ADGRV1: variants seen among roughly 807,000 people sequenced by gnomAD.
ADGRV1 encodes adhesion G protein-coupled receptor V1, also known as G-protein coupled receptor 98.
Under a neutral mutation model 596.2 loss-of-function variants are expected in ADGRV1, and 359 were observed. The ratio of observed to expected loss-of-function variants is 0.60; its 90% CI spans 0.55 to 0.66. ADGRV1 has a LOEUF of 0.66. Ranked by LOEUF, ADGRV1 falls within the 30% of genes least tolerant of loss-of-function variation. The pLI is 0.00. For missense variants in ADGRV1, 7,274 were observed against 7,575.6 expected (o/e 0.96, Z 1.48); for synonymous variants, 2,681 against 2,679.2 (o/e 1.00, Z -0.02).
intron 78 of ADGRV1, among the ~76,000 whole-genome samples, chr5:90,847,996 G>A (rs1766086718): frequency 6.6e-6 from 1 of 152,120 alleles, no homozygotes; most frequent in Non-Finnish European, 1.5e-5. Context: ...AGGGCTGTGA[G>A]GGCTGCCAGC....
intron 71 of ADGRV1, among the ~76,000 whole-genome samples, chr5:90,804,064 G>A (rs1761669248): frequency 6.6e-6 from 1 of 152,176 alleles, no homozygotes; most frequent in Non-Finnish European, 1.5e-5. Flanking sequence ...CTCTAGTCAT[G>A]TAGCAAGAAT....
At chr5:90,689,714 C>A in intron 29 of ADGRV1, 147 bp from the exon 30 acceptor site, 1 of 609,638 alleles carries the variant, frequency 1.6e-6, no homozygotes, top group Non-Finnish European at 2.9e-6. Context: ...TAAAAGTCTT[C>A]TTGCTTAGAA....
intron 83 of ADGRV1, among the ~76,000 whole-genome samples, chr5:90,890,536 G>A (rs1356885536): frequency 6.6e-6 from 1 of 152,104 alleles, no homozygotes; most frequent in African/African-American, 2.4e-5. Flanking sequence ...TTTCCTATGA[G>A]GTAGGCATAT....
At chr5:90,726,142 C>T (rs889148359) in intron 48 of ADGRV1, among the ~76,000 whole-genome samples, 1 of 152,202 alleles carries the variant, frequency 6.6e-6, no homozygotes, top group African/African-American at 2.4e-5. Flanking sequence ...GTGAAAGCTA[C>T]CAAAAGGGGT....
At chr5:90,612,553 T>C (rs1356105639) in intron 1 of ADGRV1, among the ~76,000 whole-genome samples, 3 of 152,040 alleles carry the variant, frequency 2.0e-5, no homozygotes, top group East Asian at 3.9e-4. Context: ...ATCTCTGCTT[T>C]AGTTTTCTCA....
At chr5:90,924,300 C>T (rs1774191562) in intron 83 of ADGRV1, among the ~76,000 whole-genome samples, 2 of 150,626 alleles carry the variant, frequency 1.3e-5, no homozygotes, top group East Asian at 1.9e-4. Context: ...CTGTTGTTTC[C>T]TGACTTTTTA....
rs777184328 is a variant in ADGRV1 at position 90,653,943 on chromosome 5, A to G, written c.4369A>G (p.Ile1457Val). 13 of 1,556,040 alleles carry G rather than the reference A, an allele frequency of 8.4e-6. No homozygotes were observed. In the South Asian group the frequency reaches 9.5e-5, roughly 11 times the overall value. ...RGIKSLKGEAITDGPGILRIG... is the reference protein window; with the variant it reads ...RGIKSLKGEAVTDGPGILRIG... ...AATCAAGAGTCTGAAAGGAGAAGCC[A>G]TTACTGACGGTGAGGGTCATCATCA... Residue 1457 changes from isoleucine to valine, a missense_variant, in exon 20 of 90, where the codon ATT becomes GTT. By Grantham distance (29) the Ile-to-Val change is conservative. Around this residue, in one of 5 missense-constraint regions of ADGRV1, gnomAD observed 38 missense variants for 66.7 expected, o/e 0.57. Transcript: ENST00000405460.
chr5:91,066,968 A>G (rs1787935674), intron 85 of ADGRV1, among the ~76,000 whole-genome samples: 1 of 152,120 alleles, frequency 6.6e-6, no homozygotes. Context: ...GAGGATGAAC[A>G]TGGAGTAGGT....
intron 27 of ADGRV1, 36 bp from the exon 28 acceptor site, chr5:90,683,550 C>T: frequency 1.4e-6 from 2 of 1,479,716 alleles, no homozygotes; most frequent in East Asian, 2.5e-5. Context: ...GCTTTAATCT[C>T]TCTTTTAATA....
chr5:90,725,703 T>TAAAA, intron 48 of ADGRV1, 47 bp downstream of exon 48: 1 of 1,010,130 alleles, frequency 9.9e-7, no homozygotes, highest in Non-Finnish European at 1.5e-6. Flanking sequence ...CTTTTCTTTT[T>TAAAA]AACATTATAA....
chr5:90,975,827 A>T (rs1779522216), intron 84 of ADGRV1, among the ~76,000 whole-genome samples: 1 of 150,616 alleles, frequency 6.6e-6, no homozygotes. Context: ...CATTGTGCAC[A>T]TGTACCCTAG....
chr5:91,107,605 G>C (rs373331874), intron 87 of ADGRV1, among the ~76,000 whole-genome samples: 4 of 152,084 alleles, frequency 2.6e-5, no homozygotes, highest in African/African-American at 9.7e-5. Flanking sequence ...GAGAGGAATG[G>C]GTTCAAAGCA....
At chr5:90,679,848 C>T (rs181956423) in intron 26 of ADGRV1, among the ~76,000 whole-genome samples, 1 of 152,218 alleles carries the variant, frequency 6.6e-6, no homozygotes, top group East Asian at 1.9e-4. Flanking sequence ...CTTTCTGCTT[C>T]CAAAACCCAG....
At chr5:91,068,668 G>C (rs914779428) in intron 85 of ADGRV1, among the ~76,000 whole-genome samples, 27 of 152,172 alleles carry the variant, frequency 1.8e-4, no homozygotes, top group Admixed American at 2.6e-4. Context: ...ATTCCAGCTA[G>C]TGGATTAGAG....
At chr5:91,081,666 A>G (rs1355907562) in intron 86 of ADGRV1, among the ~76,000 whole-genome samples, 1 of 152,092 alleles carries the variant, frequency 6.6e-6, no homozygotes, top group Non-Finnish European at 1.5e-5. Flanking sequence ...GACGCCTGTA[A>G]TCCCAGCTAC....
At chr5:90,824,973 G>A (rs1022266166) in intron 76 of ADGRV1, among the ~76,000 whole-genome samples, 1 of 151,328 alleles carries the variant, frequency 6.6e-6, no homozygotes, top group Non-Finnish European at 1.5e-5. Flanking sequence ...GTCTCACTCT[G>A]TTGTCCAGGC....
At position 91,149,831 on chromosome 5, in the gene ADGRV1, C is replaced by CA. The variant is rs59523008; in HGVS notation, c.18433-181dup. Among the ~76,000 whole-genome samples, 60,650 of 85,752 alleles carry CA rather than the reference C, an allele frequency of 0.71. 22,804 individuals carry two copies. Among genetic ancestry groups the CA allele is most frequent in the Non-Finnish European group, 0.82 (38,834 of 47,404 alleles). The allele number at this position is 85,752 out of a possible 152,430, so 56.3% of individuals were successfully genotyped here. A position where few individuals can be genotyped will look rare whatever the true frequency, so the allele number is the denominator to read the frequency against. ...TCGGTGACAGAATAAAACTCCAGCTCAAAAAAAAAAAAAAAAAAGAGAAAG... is the reference window on the plus strand; with the variant it reads ...TCGGTGACAGAATAAAACTCCAGCTCAAAAAAAAAAAAAAAAAAAGAGAAAG... On this transcript the variant is annotated intron_variant, in intron 87 of 89. Coordinates refer to ENST00000405460, the MANE Select transcript of ADGRV1 (RefSeq NM_032119.4).
chr5:90,685,639 T>A (rs866070970), intron 28 of ADGRV1, 141 bp from the exon 29 acceptor site: 28 of 259,218 alleles, frequency 1.1e-4, no homozygotes, highest in African/African-American at 2.9e-4. Flanking sequence ...AATAAATAAA[T>A]AAAATAAATA....
At chr5:90,905,720 A>G (rs1177278794) in intron 83 of ADGRV1, among the ~76,000 whole-genome samples, 1 of 152,026 alleles carries the variant, frequency 6.6e-6, no homozygotes, top group Non-Finnish European at 1.5e-5. Flanking sequence ...GATGCCCTTT[A>G]TATCTTTCCC....
Sources: allele counts gnomAD v4.1 joint callset (sites outside exome capture counted in the v4.1 genomes callset), GRCh38; gene constraint gnomAD v4.1.1; regional missense constraint gnomAD v4.1.1; transcripts MANE v1.5; gene names NCBI Gene and HGNC (gene_info 2026-07-23, HGNC 2026-07-21).